FBLN2: variants seen among roughly 807,000 people sequenced by gnomAD.
The protein encoded by FBLN2 is fibulin-2.
In FBLN2, 81 loss-of-function variants were observed where a neutral mutation model predicts 123.7. The observed-to-expected ratio is 0.65, with a 90% CI of 0.55 to 0.79. FBLN2 has a LOEUF of 0.79. FBLN2 is among the 30% of genes least tolerant of loss of function. The pLI is 0.00. For missense variants in FBLN2, 1,603 were observed against 1,681.3 expected (o/e 0.95, Z 0.81); for synonymous variants, 699 against 701.4 (o/e 1.00, Z 0.05).
intron 2 of FBLN2, among the ~76,000 whole-genome samples, chr3:13,580,971 G>A (rs1199463125): frequency 1.3e-5 from 2 of 152,220 alleles, no homozygotes; most frequent in Non-Finnish European, 2.9e-5. Context: ...CCTCAGCCAG[G>A]ATGGCTCATG....
intron 2 of FBLN2, among the ~76,000 whole-genome samples, chr3:13,599,148 A>G (rs541286864): frequency 1.3e-4 from 20 of 152,284 alleles, no homozygotes; most frequent in African/African-American, 4.3e-4. Flanking sequence ...GCTCCCCAAG[A>G]TGACTCAGGG....
At chr3:13,569,999 G>T (rs1574949128) in intron 1 of FBLN2, among the ~76,000 whole-genome samples, 1 of 151,998 alleles carries the variant, frequency 6.6e-6, no homozygotes, top group East Asian at 1.9e-4. Flanking sequence ...TGGGCACGAG[G>T]GCTCACTCAG....
intron 1 of FBLN2, among the ~76,000 whole-genome samples, chr3:13,567,559 C>T (rs1382526956): frequency 1.3e-5 from 2 of 152,168 alleles, no homozygotes; most frequent in East Asian, 3.9e-4. Context: ...GGTTTCACCA[C>T]GTTGGCCAGG....
In FBLN2 at chr3:13,623,229, T is replaced by C. The variant is rs3773262; in HGVS notation, c.2296+1314T>C. Among the ~76,000 whole-genome samples the C allele has an allele frequency of 9.0e-3, 1,370 of 152,306 alleles. 55 individuals carry two copies. The East Asian group carries it at 0.11, about 12-fold the overall frequency. ...TGGGTTGGGTCCGTGTGTGTACGTC[T>C]GGGAAGGCGGATCCCACCAGGGCCC... On this transcript the variant is annotated intron_variant, in intron 9 of 17. Transcript: ENST00000404922.
intron 2 of FBLN2, among the ~76,000 whole-genome samples, chr3:13,590,181 T>A (rs1001921911): frequency 5.9e-5 from 9 of 152,200 alleles, no homozygotes; most frequent in African/African-American, 1.9e-4. Flanking sequence ...AATTATTTTT[T>A]ATTTTTTTGT....
chr3:13,616,614 A>G (rs1288804867), intron 5 of FBLN2, among the ~76,000 whole-genome samples: 3 of 152,170 alleles, frequency 2.0e-5, no homozygotes, highest in Non-Finnish European at 4.4e-5. Context: ...ACGTGACTTC[A>G]TGCAGCTACT....
chr3:13,627,881 G>A lies in FBLN2; in HGVS notation c.2481G>A (p.Leu827=), dbSNP rs774792983. The A allele has an allele frequency of 1.2e-6, 2 of 1,613,820 alleles. No individual in the cohort carries two copies. Among genetic ancestry groups the A allele is most frequent in the Non-Finnish European group, 1.7e-6 (2 of 1,179,844 alleles). ...CGCACACCTGCCAGCCGGGCTTCTTGTGCCAGAACACCAAGGGCTCCTTCT... is the reference window on the plus strand; with the variant it reads ...CGCACACCTGCCAGCCGGGCTTCTTATGCCAGAACACCAAGGGCTCCTTCT... ...MGTHTCQPGF[L]CQNTKGSFYC... is the part of the protein sequence containing the mutation. Residue 827 remains leucine, a synonymous_variant, in exon 11 of 18, where the codon TTG becomes TTA. Coordinates refer to ENST00000404922, the MANE Select transcript of FBLN2 (RefSeq NM_001004019.2).
In FBLN2 at chr3:13,638,277, T is replaced by C; in HGVS notation, c.*358T>C. On this transcript the variant is annotated 3_prime_UTR_variant, in exon 18 of 18. Transcript: ENST00000404922. ...GTTGACATTCCATTTCATGTTCCAC[T>C]GTGATTAATTCTTTTCTTTTTTAAA... The C allele has an allele frequency of 2.0e-6, 1 of 495,468 alleles. No individual in the cohort carries two copies. The highest frequency in any genetic ancestry group is 5.2e-5 in the East Asian group (1 of 19,236). 30.7% of individuals were successfully genotyped at this position (495,468 alleles called of 1,614,324 possible).
intron 5 of FBLN2, among the ~76,000 whole-genome samples, chr3:13,616,922 A>G (rs1270485439): frequency 2.0e-5 from 3 of 152,202 alleles, no homozygotes; most frequent in Non-Finnish European, 4.4e-5. Flanking sequence ...ATCTGATCCA[A>G]TAGAGCCCAG....
chr3:13,550,152 T>G (rs530333774), intron 1 of FBLN2, among the ~76,000 whole-genome samples: 4 of 152,174 alleles, frequency 2.6e-5, no homozygotes, highest in Non-Finnish European at 5.9e-5. Flanking sequence ...CCAGCCCCCC[T>G]GGCACTCCAT....
At position 13,638,117 on chromosome 3, in the gene FBLN2, C is replaced by T. The variant is rs937960283; in HGVS notation, c.*198C>T. 2 of 666,614 alleles carry T rather than the reference C, an allele frequency of 3.0e-6. No individual in the cohort carries two copies. The highest frequency in any genetic ancestry group is 5.7e-5 in the Admixed American group (2 of 34,812). The allele number at this position is 666,614 out of a possible 1,614,324, so 41.3% of individuals were successfully genotyped here. On this transcript the variant is annotated 3_prime_UTR_variant, in exon 18 of 18. Transcript: ENST00000404922. Reference sequence around the variant, plus strand: ...GGCAGGTGGTGCGTTCCCACGCAGGCACCAAGTGGAAGCTTGCACGGTGGG... The same window carrying T: ...GGCAGGTGGTGCGTTCCCACGCAGGTACCAAGTGGAAGCTTGCACGGTGGG...
At chr3:13,626,397 A>G in intron 9 of FBLN2, 48 bp from the exon 10 acceptor site, 1 of 1,476,736 alleles carries the variant, frequency 6.8e-7, no homozygotes, top group South Asian at 1.4e-5. Context: ...GCACTCAGCC[A>G]CTGTCCTGGG....
intron 9 of FBLN2, among the ~76,000 whole-genome samples, chr3:13,626,062 G>T (rs370721994): frequency 6.6e-6 from 1 of 151,932 alleles, no homozygotes; most frequent in Non-Finnish European, 1.5e-5. Context: ...AGCGCCCCCC[G>T]CTGTACCTGG....
intron 2 of FBLN2, among the ~76,000 whole-genome samples, chr3:13,582,378 C>T (rs1012586440): frequency 1.3e-5 from 2 of 152,192 alleles, no homozygotes; most frequent in African/African-American, 4.8e-5. Flanking sequence ...CGGGCAATGT[C>T]GGCATCCTCT....
intron 1 of FBLN2, among the ~76,000 whole-genome samples, chr3:13,569,872 G>C (rs1297829778): frequency 2.0e-5 from 3 of 152,118 alleles, no homozygotes; most frequent in Non-Finnish European, 2.9e-5. Flanking sequence ...GTACTGGCAC[G>C]TGGGCATGCT....
chr3:13,593,857 C>T (rs1401330800), intron 2 of FBLN2, among the ~76,000 whole-genome samples: 2 of 152,074 alleles, frequency 1.3e-5, no homozygotes, highest in African/African-American at 4.8e-5. Context: ...CCAGCGTGGG[C>T]GGCTGTAACC....
chr3:13,564,165 CA>C (rs1257389790), intron 1 of FBLN2, among the ~76,000 whole-genome samples: 3 of 152,162 alleles, frequency 2.0e-5, no homozygotes, highest in African/African-American at 4.8e-5. Flanking sequence ...TGTGTGTGAA[CA>C]GGCTGGGTGG....
Position 13,627,901 on chromosome 3 carries a change from CCTT to C in FBLN2, c.2504_2506del (p.Phe835del). Reference sequence around the variant, plus strand: ...TTCTTGTGCCAGAACACCAAGGGCTCCTTCTACTGCCAGGCCAGGCAGCGCTGC... The same window carrying C: ...TTCTTGTGCCAGAACACCAAGGGCTCCTACTGCCAGGCCAGGCAGCGCTGC... On this transcript the variant is annotated inframe_deletion, in exon 11 of 18. Coordinates refer to ENST00000404922, the MANE Select transcript of FBLN2 (RefSeq NM_001004019.2). The C allele has an allele frequency of 6.2e-7, 1 of 1,613,846 alleles. No individual in the cohort carries two copies. Among genetic ancestry groups the C allele is most frequent in the Non-Finnish European group, 8.5e-7 (1 of 1,179,854 alleles).
intron 1 of FBLN2, among the ~76,000 whole-genome samples, chr3:13,567,123 G>T (rs563495955): frequency 8.5e-5 from 13 of 152,316 alleles, no homozygotes; most frequent in Non-Finnish European, 1.6e-4. Flanking sequence ...GGGCCTGGGG[G>T]GCCAAGGGGC....
Sources: allele counts gnomAD v4.1 joint callset (sites outside exome capture counted in the v4.1 genomes callset), GRCh38; gene constraint gnomAD v4.1.1; transcripts MANE v1.5; gene names NCBI Gene and HGNC (gene_info 2026-07-23, HGNC 2026-07-21).